The following ERC2 variants were observed in gnomAD, a reference collection of about 807,000 sequenced individuals.
ERC2 encodes ELKS/RAB6-interacting/CAST family member 2.
A neutral mutation model predicts 114.8 loss-of-function variants in ERC2; 42 were observed. The ratio of observed to expected loss-of-function variants is 0.37; its 90% CI spans 0.29 to 0.47. ERC2 has a LOEUF of 0.47. ERC2 is among the 20% of genes least tolerant of loss of function. The pLI, the probability that ERC2 is intolerant of heterozygous loss-of-function variation, is 0.99. For missense variants in ERC2, 939 were observed against 1,150.7 expected (o/e 0.82, Z 2.66); for synonymous variants, 454 against 425.5 (o/e 1.07, Z -0.82).
chr3:55,576,747 C>A (rs931149797), intron 17 of ERC2, among the ~76,000 whole-genome samples: 2 of 152,274 alleles, frequency 1.3e-5, no homozygotes, highest in Non-Finnish European at 2.9e-5. Flanking sequence ...ACGGCCCCGT[C>A]CTCGTGCCTA....
intron 4 of ERC2, among the ~76,000 whole-genome samples, chr3:56,159,849 A>G (rs2081957118): frequency 6.6e-6 from 1 of 152,106 alleles, no homozygotes; most frequent in Non-Finnish European, 1.5e-5. Context: ...ATTCTTTTTT[A>G]TGGCTGTATA....
chr3:56,197,050 C>A (rs2048150721), intron 3 of ERC2, among the ~76,000 whole-genome samples: 1 of 152,116 alleles, frequency 6.6e-6, no homozygotes, highest in Non-Finnish European at 1.5e-5. Flanking sequence ...TGAACTCCAG[C>A]CATGTCAGGT....
chr3:55,660,192 C>A (rs995460741), intron 17 of ERC2, among the ~76,000 whole-genome samples: 8 of 152,202 alleles, frequency 5.3e-5, no homozygotes, highest in Admixed American at 2.6e-4. Context: ...AATTTCTGTA[C>A]ATGCAACTGA....
intron 14 of ERC2, among the ~76,000 whole-genome samples, chr3:55,812,845 G>C (rs954091680): frequency 1.3e-5 from 2 of 152,232 alleles, no homozygotes; most frequent in African/African-American, 4.8e-5. Context: ...TTGTGTGTAC[G>C]TGTGTGCATG....
chr3:56,296,585 C>G, intron 2 of ERC2, 150 bp from the exon 3 acceptor site: 2 of 763,548 alleles, frequency 2.6e-6, no homozygotes, highest in Non-Finnish European at 4.1e-6. Flanking sequence ...ACGGTGACTT[C>G]AGAAGCATGG....
intron 2 of ERC2, among the ~76,000 whole-genome samples, chr3:56,385,558 T>C (rs1000043486): frequency 6.6e-6 from 1 of 152,198 alleles, no homozygotes; most frequent in Non-Finnish European, 1.5e-5. Context: ...ACATGATATG[T>C]GTTTCTTAAA....
At chr3:56,297,505 C>T (rs1348798048) in intron 2 of ERC2, among the ~76,000 whole-genome samples, 1 of 152,182 alleles carries the variant, frequency 6.6e-6, no homozygotes, top group Admixed American at 6.5e-5. Flanking sequence ...AAAAGGCACC[C>T]GTGCTTGAAG....
intron 4 of ERC2, among the ~76,000 whole-genome samples, chr3:56,168,455 A>C (rs562248403): frequency 5.9e-5 from 9 of 152,318 alleles, no homozygotes; most frequent in African/African-American, 2.2e-4. Context: ...GCATCCTTGG[A>C]GAAGATGAAT....
intron 3 of ERC2, among the ~76,000 whole-genome samples, chr3:56,271,564 A>G (rs951215362): frequency 1.3e-5 from 2 of 152,222 alleles, no homozygotes. Flanking sequence ...TTTCTATTAT[A>G]TAAGCCATCT....
In ERC2 at chr3:55,534,820, A is replaced by G. The variant is rs112331598; in HGVS notation, c.*40-23544T>C. Among the ~76,000 whole-genome samples, 1,124 of 152,300 alleles carry G rather than the reference A, an allele frequency of 7.4e-3. 13 individuals carry two copies. Among genetic ancestry groups the G allele is most frequent in the African/African-American group, 0.026 (1,079 of 41,550 alleles). Reference sequence around the variant, plus strand: ...GTCAAGCTGCAATCTGAAGGAGCACAAGGTGATGACAGGAGGTTCCCCAGT... The same window carrying G: ...GTCAAGCTGCAATCTGAAGGAGCACGAGGTGATGACAGGAGGTTCCCCAGT... On this transcript the variant is annotated intron_variant, in intron 17 of 17. Transcript: ENST00000288221.
chr3:55,642,876 T>A (rs76995268), intron 17 of ERC2, among the ~76,000 whole-genome samples: 1 of 151,662 alleles, frequency 6.6e-6, no homozygotes, highest in Non-Finnish European at 1.5e-5. Context: ...GGAAAAAAAA[T>A]ATTTTTACAC....
intron 2 of ERC2, among the ~76,000 whole-genome samples, chr3:56,316,161 G>C (rs1231716206): frequency 6.6e-6 from 1 of 152,108 alleles, no homozygotes; most frequent in African/African-American, 2.4e-5. Flanking sequence ...TGGACTAGGA[G>C]AAGAGTGAGG....
chr3:55,573,828 T>G (rs1234119436), intron 17 of ERC2, among the ~76,000 whole-genome samples: 1 of 152,138 alleles, frequency 6.6e-6, no homozygotes, highest in Non-Finnish European at 1.5e-5. Context: ...GAGCCGTGAA[T>G]TTCCATAGTC....
chr3:56,037,273 C>CT (rs1181365190), intron 7 of ERC2, among the ~76,000 whole-genome samples: 2 of 152,138 alleles, frequency 1.3e-5, no homozygotes. Flanking sequence ...GGAGTATGTT[C>CT]TAACCCAATG....
intron 17 of ERC2, among the ~76,000 whole-genome samples, chr3:55,608,700 G>A (rs900995813): frequency 3.3e-5 from 5 of 152,100 alleles, no homozygotes; most frequent in Non-Finnish European, 7.4e-5. Flanking sequence ...AAATATAATA[G>A]TAACCTTTCA....
chr3:55,559,423 C>G (rs2055851892), intron 17 of ERC2, among the ~76,000 whole-genome samples: 1 of 152,266 alleles, frequency 6.6e-6, no homozygotes. Context: ...CCAGAACTCA[C>G]AACCTCAGGG....
intron 17 of ERC2, among the ~76,000 whole-genome samples, chr3:55,641,711 T>C (rs1374737933): frequency 6.6e-6 from 1 of 152,174 alleles, no homozygotes; most frequent in Non-Finnish European, 1.5e-5. Flanking sequence ...CCTTCCCTAC[T>C]GATGCCTCTC....
At chr3:55,621,662 A>T (rs1200623666) in intron 17 of ERC2, among the ~76,000 whole-genome samples, 1 of 152,220 alleles carries the variant, frequency 6.6e-6, no homozygotes, top group Non-Finnish European at 1.5e-5. Context: ...AAATTCTGGA[A>T]GCACTGAAAA....
chr3:56,408,477 C>A (rs1026736004), intron 2 of ERC2, among the ~76,000 whole-genome samples: 1 of 152,072 alleles, frequency 6.6e-6, no homozygotes, highest in Non-Finnish European at 1.5e-5. Context: ...CCCAAACACA[C>A]ACACACACAC....
Sources: gnomAD v4.1 joint callset for allele counts (sites outside exome capture counted in the v4.1 genomes callset) on GRCh38, gnomAD v4.1.1 for gene constraint, MANE v1.5 for transcripts, NCBI Gene and HGNC (gene_info 2026-07-23, HGNC 2026-07-21) for gene names.